The following DUOX2 variants were observed in gnomAD, a reference collection of about 807,000 sequenced individuals.
DUOX2 encodes the protein NADH/NADPH thyroid oxidase p138-tox.
DUOX2 carries 185 observed loss-of-function variants against 183.3 expected under a neutral mutation model. That is an observed-to-expected ratio of 1.01 (90% CI 0.90 to 1.14). DUOX2 has a LOEUF of 1.14. DUOX2 is among the 50% of genes most tolerant of loss of function. The probability of loss-of-function intolerance (pLI) is 0.00; values close to 1 mark genes in which losing one functional copy is unlikely to be tolerated. For synonymous variants in DUOX2, 788 were observed against 812.4 expected, an observed-to-expected ratio of 0.97 and a Z score of 0.51; for missense variants, 1,999 against 2,022.9, an observed-to-expected ratio of 0.99 and a Z score of 0.23.
chr15:45,103,501 A>C (rs574175586), intron 20 of DUOX2, among the ~76,000 whole-genome samples: 1 of 152,310 alleles, frequency 6.6e-6, no homozygotes, highest in South Asian at 2.1e-4. Context: ...AGGAAGAAAG[A>C]ATGGTTGGAA....
At position 45,102,643 on chromosome 15, in the gene DUOX2, G is replaced by A. The variant is rs557185506; in HGVS notation, c.2655-654C>T. On this transcript the variant is annotated intron_variant, in intron 20 of 33. Transcript: ENST00000389039. ...GCACAACCATCACATTAAAAACATC[G>A]TCCCACCGACAGTAAGCAAGATACA... is the stretch of plus-strand genomic sequence containing the variant. Among the ~76,000 whole-genome samples the A allele has an allele frequency of 7.2e-5, 11 of 152,196 alleles. No homozygotes were observed. In the East Asian group the frequency reaches 1.5e-3, roughly 21 times the overall value.
Position 45,108,110 on chromosome 15 carries a change from A to G in DUOX2, c.1511T>C (p.Val504Ala). ...GDPGPLFSAIVLDQFVRLRDG... is the reference protein window; with the variant it reads ...GDPGPLFSAIALDQFVRLRDG... ...CCGCAGCCGTACAAACTGGTCGAGG[A>G]CAATGGCACTGAACAGGGGTCCAGG... is the stretch of plus-strand genomic sequence containing the variant. Residue 504 changes from valine (V) to alanine (A), a missense_variant, in exon 13 of 34, where the codon GTC becomes GCC. Physicochemically the swap from Val to Ala is moderately conservative, Grantham distance 64. This residue lies in a region of DUOX2 where 1,628 missense variants were observed against 1,608.6 expected (regional missense o/e 1.01). Transcript: ENST00000389039. 2 of 1,614,170 alleles carry G rather than the reference A, an allele frequency of 1.2e-6. No homozygotes were observed.
intron 15 of DUOX2, 81 bp downstream of exon 15, chr15:45,106,751 C>G: frequency 1.2e-6 from 2 of 1,605,716 alleles, no homozygotes; most frequent in South Asian, 2.2e-5. Context: ...TGGTCTCAAA[C>G]GGTACCAAAT....
rs369781783 is a variant in DUOX2 at position 45,099,496 on chromosome 15, A to G, written c.3416-14T>C. On this transcript the variant is annotated splice_polypyrimidine_tract_variant and intron_variant, in intron 25 of 33. Transcript: ENST00000389039. ...CACTGTGCAAAACTGGAAGAGACAG[A>G]CCCTGTTAGAGATGCCAACCAGGAC... 9.3e-6 allele frequency: 15 copies of G among 1,612,680 alleles called. No individual in the cohort carries two copies. The highest frequency in any genetic ancestry group is 2.7e-5 in the African/African-American group (2 of 74,886).
intron 22 of DUOX2, 78 bp downstream of exon 22, chr15:45,101,126 GA>G (rs1894070301): frequency 8.3e-6 from 11 of 1,324,244 alleles, no homozygotes; most frequent in Non-Finnish European, 1.2e-5. Flanking sequence ...ACCAGGGGCT[GA>G]TCAGCCAGTC....
At chr15:45,094,869 C>T in intron 32 of DUOX2, 67 bp downstream of exon 32, 1 of 1,606,812 alleles carries the variant, frequency 6.2e-7, no homozygotes, top group Non-Finnish European at 8.5e-7. Context: ...CCTGCCCTGG[C>T]CATCCTGCCT....
At chr15:45,110,277 T>C in intron 9 of DUOX2, 151 bp downstream of exon 9, 1 of 748,910 alleles carries the variant, frequency 1.3e-6, no homozygotes, top group Admixed American at 2.8e-5. Flanking sequence ...AGCCTACACA[T>C]CTTACCCCAG....
Position 45,109,882 on chromosome 15 carries a change from A to G in DUOX2, c.1131+8T>C, listed in dbSNP as rs370387994. 2.3e-4 allele frequency: 366 copies of G among 1,613,912 alleles called. 1 individual carries two copies. Among genetic ancestry groups the G allele is most frequent in the Non-Finnish European group, 2.8e-4 (333 of 1,179,914 alleles). ...CCCATCTTCCCCTGACCCTGACCCC[A>G]GTCTGACCTCCCGAATCCAGTAGTT... On this transcript the variant is annotated splice_region_variant and intron_variant, in intron 10 of 33. Transcript: ENST00000389039.
intron 31 of DUOX2, 43 bp downstream of exon 31, chr15:45,095,394 G>A (rs200592189): frequency 1.1e-5 from 18 of 1,613,052 alleles, no homozygotes; most frequent in East Asian, 6.7e-5. Flanking sequence ...GTCACAATTC[G>A]GCCACCTATG....
Position 45,092,980 on chromosome 15 carries a change from T to C in DUOX2, c.*1170A>G, listed in dbSNP as rs1458226419. 6.6e-6 allele frequency: 1 copy of C among 152,220 alleles called. No homozygotes were observed. Among genetic ancestry groups the C allele is most frequent in the African/African-American group, 2.4e-5 (1 of 41,464 alleles). The allele number at this position is 152,220 out of a possible 1,614,324, so 9.4% of individuals were successfully genotyped here. ...GGGAGTTTCTGGGGTGATGGAAATGTTGAAACATTCTATGTCTTGACCTGG... is the reference window on the plus strand; with the variant it reads ...GGGAGTTTCTGGGGTGATGGAAATGCTGAAACATTCTATGTCTTGACCTGG... On this transcript the variant is annotated 3_prime_UTR_variant, in exon 34 of 34. Transcript: ENST00000389039.
intron 20 of DUOX2, among the ~76,000 whole-genome samples, chr15:45,103,277 C>T (rs377240896): frequency 4.6e-5 from 7 of 152,238 alleles, no homozygotes; most frequent in African/African-American, 1.7e-4. Flanking sequence ...CATTTGCTCA[C>T]TTATTTCATT....
At chr15:45,112,449 G>T in intron 4 of DUOX2, 105 bp downstream of exon 4, 1 of 1,415,726 alleles carries the variant, frequency 7.1e-7, no homozygotes, top group Non-Finnish European at 9.7e-7. Flanking sequence ...GGAAGTGGTT[G>T]GGAGTCGGAT....
At chr15:45,098,418 T>C (rs1893965721) in intron 26 of DUOX2, among the ~76,000 whole-genome samples, 1 of 152,200 alleles carries the variant, frequency 6.6e-6, no homozygotes, top group South Asian at 2.1e-4. Context: ...CGGTAAGTAG[T>C]TGTTGAATGA....
intron 29 of DUOX2, among the ~76,000 whole-genome samples, chr15:45,096,944 C>T (rs1595519634): frequency 6.6e-6 from 1 of 152,172 alleles, no homozygotes; most frequent in Admixed American, 6.5e-5. Flanking sequence ...TGCACCCAGG[C>T]CACACATGTG....
At position 45,096,065 on chromosome 15, in the gene DUOX2, A is replaced by G; in HGVS notation, c.3848-5T>C. 1.2e-6 allele frequency: 2 copies of G among 1,613,060 alleles called. No homozygotes were observed. Among genetic ancestry groups the G allele is most frequent in the South Asian group, 1.1e-5 (1 of 91,066 alleles). On this transcript the variant is annotated splice_region_variant and splice_polypyrimidine_tract_variant and intron_variant, in intron 29 of 33. Transcript: ENST00000389039. ...GGAATTGCAGGTAGGTCACTCCTGG[A>G]GGTCATAGACAGGGAAAAGCACAGA...
chr15:45,098,044 T>TG lies in DUOX2; in HGVS notation c.3529dup (p.Gln1177ProfsTer84). 6.2e-7 allele frequency: 1 copy of TG among 1,614,118 alleles called. No individual in the cohort carries two copies. The highest frequency in any genetic ancestry group is 1.1e-5 in the South Asian group (1 of 91,088). On this transcript the variant is annotated frameshift_variant, in exon 27 of 34. Transcript: ENST00000389039. LOFTEE classifies it high-confidence loss of function. ...CTGGAAGAACCACCAATAGAACTTCTGGGGAAGCTTGGACCTGGGGGGCAA... is the reference window on the plus strand; with the variant it reads ...CTGGAAGAACCACCAATAGAACTTCTGGGGGAAGCTTGGACCTGGGGGGCAA...
chr15:45,109,606 G>A lies in DUOX2; in HGVS notation c.1152C>T (p.Thr384=). The A allele has an allele frequency of 1.2e-6, 2 of 1,614,054 alleles. No homozygotes were observed. Among genetic ancestry groups the A allele is most frequent in the Non-Finnish European group, 1.7e-6 (2 of 1,180,004 alleles). ...CCAGCAGCAGCTCATTCACCTCCTG[G>A]GTACTGTTCAGATTGGGGTTCTGGA... ...WIRENPNLNS[T]QEVNELLLGM... Residue 384 remains threonine (T), a synonymous_variant, in exon 11 of 34, where the codon ACC becomes ACT. Transcript: ENST00000389039.
At chr15:45,094,437 C>T in intron 33 of DUOX2, 126 bp downstream of exon 33, 1 of 1,523,434 alleles carries the variant, frequency 6.6e-7, no homozygotes, top group Non-Finnish European at 8.9e-7. Context: ...TAACAGCTGA[C>T]CTCATCCTGG....
In DUOX2 at chr15:45,109,020, A is replaced by G. The variant is rs960371570; in HGVS notation, c.1235-68T>C. ...ATCCTTTTTTGCCCTGCAGCCTTGT[A>G]TCTGACTATTGGCACTACGGTTCTT... On this transcript the variant is annotated intron_variant, in intron 11 of 33. Transcript: ENST00000389039. The G allele has an allele frequency of 4.4e-6, 7 of 1,588,890 alleles. No homozygotes were observed. The African/African-American group carries it at 9.4e-5, about 21-fold the overall frequency.
Sources: allele counts gnomAD v4.1 joint callset (sites outside exome capture counted in the v4.1 genomes callset), GRCh38; gene constraint gnomAD v4.1.1; regional missense constraint gnomAD v4.1.1; transcripts MANE v1.5; gene names NCBI Gene and HGNC (gene_info 2026-07-23, HGNC 2026-07-21).